COL4A5: variants seen among roughly 807,000 people sequenced by gnomAD.
The protein encoded by COL4A5 is collagen type IV alpha 5 chain.
Under a neutral mutation model 130.2 loss-of-function variants are expected in COL4A5, and 26 were observed. The observed-to-expected ratio is 0.20, with a 90% CI of 0.15 to 0.28. The LOEUF (loss-of-function observed/expected upper bound fraction) is 0.28. Among genes scored for constraint, COL4A5 ranks in the 10% least tolerant of loss-of-function variants. The pLI, the probability that COL4A5 is intolerant of heterozygous loss-of-function variation, is 1.00. For missense variants in COL4A5, 1,131 were observed against 1,344.3 expected, an observed-to-expected ratio of 0.84 and a Z score of 2.48; for synonymous variants, 496 against 439.6, an observed-to-expected ratio of 1.13 and a Z score of -1.60.
intron 21 of COL4A5, among the ~76,000 whole-genome samples, chrX:108,593,245 T>C (rs188633360): frequency 2.7e-5 from 3 of 111,769 alleles, no homozygotes; most frequent in Admixed American, 1.9e-4. Flanking sequence ...TACCAAACCA[T>C]GTTCCAAAGT....
At chrX:108,666,627 A>G in intron 39 of COL4A5, 33 bp downstream of exon 39, 1 of 1,100,843 alleles carries the variant, frequency 9.1e-7, no homozygotes, top group Non-Finnish European at 1.2e-6. Flanking sequence ...CTATTTTTCT[A>G]ATTTTCTCTG....
At chrX:108,640,825 A>G (rs2067449793) in intron 36 of COL4A5, among the ~76,000 whole-genome samples, 1 of 112,222 alleles carries the variant, frequency 8.9e-6, no homozygotes, top group African/African-American at 3.2e-5. Context: ...CACAATGTAT[A>G]CATGTATCAT....
intron 1 of COL4A5, among the ~76,000 whole-genome samples, chrX:108,505,589 A>G (rs894271234): frequency 9.0e-6 from 1 of 111,458 alleles, no homozygotes; most frequent in African/African-American, 3.3e-5. Flanking sequence ...GTCCTTATAA[A>G]AAGAGACACC....
At chrX:108,590,925 A>T in intron 19 of COL4A5, 133 bp from the exon 20 acceptor site, 1 of 570,309 alleles carries the variant, frequency 1.8e-6, no homozygotes, top group Non-Finnish European at 2.8e-6. Context: ...CAGACTTTTG[A>T]GTCTCATAGA....
At chrX:108,610,861 C>G (rs1017437545) in intron 29 of COL4A5, among the ~76,000 whole-genome samples, 4 of 111,539 alleles carry the variant, frequency 3.6e-5, no homozygotes, top group Admixed American at 1.9e-4. Context: ...TTATTATGTT[C>G]TATGCCAGCT....
At chrX:108,611,640 T>TA (rs1326007187) in intron 29 of COL4A5, among the ~76,000 whole-genome samples, 1 of 111,116 alleles carries the variant, frequency 9.0e-6, no homozygotes, top group Non-Finnish European at 1.9e-5. Flanking sequence ...TCTATTTTTT[T>TA]AAAAATTGAG....
chrX:108,491,412 G>C (rs1428564009), intron 1 of COL4A5, among the ~76,000 whole-genome samples: 1 of 111,311 alleles, frequency 9.0e-6, no homozygotes, highest in African/African-American at 3.3e-5. Flanking sequence ...AATTTTTTTG[G>C]CTTGAAAATA....
At chrX:108,613,698 A>T (rs1055335587) in intron 29 of COL4A5, among the ~76,000 whole-genome samples, 29 of 111,837 alleles carry the variant, frequency 2.6e-4, no homozygotes, top group African/African-American at 9.1e-4. Context: ...AGTATAATTT[A>T]TCATCTGGGA....
At chrX:108,599,001 CT>C in intron 25 of COL4A5, 131 bp downstream of exon 25, 1 of 583,218 alleles carries the variant, frequency 1.7e-6, no homozygotes, top group Non-Finnish European at 2.8e-6. Flanking sequence ...TTCAGAGCAT[CT>C]TAGCAAGGGA....
At chrX:108,493,761 G>C (rs368019940) in intron 1 of COL4A5, among the ~76,000 whole-genome samples, 24 of 104,801 alleles carry the variant, frequency 2.3e-4, no homozygotes, top group African/African-American at 8.3e-4. Context: ...GAATGGGAGA[G>C]TTAACCAGCA....
intron 2 of COL4A5, among the ~76,000 whole-genome samples, chrX:108,553,286 GA>G (rs1462854164): frequency 9.0e-6 from 1 of 111,238 alleles, no homozygotes; most frequent in Non-Finnish European, 1.9e-5. Context: ...ATTGTTAAAA[GA>G]ATAAAAAGAT....
intron 2 of COL4A5, among the ~76,000 whole-genome samples, chrX:108,540,266 T>C (rs1238125794): frequency 9.0e-6 from 1 of 110,623 alleles, no homozygotes; most frequent in African/African-American, 3.3e-5. Flanking sequence ...GCCTGAGAGC[T>C]ATAATCTGCC....
At position 108,619,862 on chromosome X, in the gene COL4A5, A is replaced by G. The variant is rs768778041; in HGVS notation, c.2510-397A>G. On this transcript the variant is annotated intron_variant, in intron 30 of 52. Coordinates refer to ENST00000328300, the MANE Select transcript of COL4A5 (RefSeq NM_033380.3). Reference sequence around the variant, plus strand: ...ATTAATACAAATGTTGAGAATAAGCATTTAGAAACTTTTATAGCAATTTGA... The same window carrying G: ...ATTAATACAAATGTTGAGAATAAGCGTTTAGAAACTTTTATAGCAATTTGA... Among the ~76,000 whole-genome samples, 26 of 112,528 alleles carry G rather than the reference A, an allele frequency of 2.3e-4. No homozygotes were observed. The East Asian group carries it at 7.3e-3, about 31-fold the overall frequency.
At chrX:108,603,581 G>T (rs1173104327) in intron 28 of COL4A5, among the ~76,000 whole-genome samples, 1 of 112,129 alleles carries the variant, frequency 8.9e-6, no homozygotes, top group Non-Finnish European at 1.9e-5. Flanking sequence ...TAATCTTTAT[G>T]CTGGGGGAGG....
intron 1 of COL4A5, among the ~76,000 whole-genome samples, chrX:108,444,001 T>G (rs2064427534): frequency 8.9e-6 from 1 of 111,895 alleles, no homozygotes; most frequent in South Asian, 3.7e-4. Context: ...ATGTATATAT[T>G]TATTCAGCTG....
intron 36 of COL4A5, chrX:108,627,164 C>T (rs2067168721): frequency 1.5e-6 from 1 of 660,618 alleles, no homozygotes; most frequent in African/African-American, 2.4e-5. Flanking sequence ...TCCAGTTTAA[C>T]AATGTAAAGT....
chrX:108,525,987 G>T (rs2065307522), intron 1 of COL4A5, among the ~76,000 whole-genome samples: 1 of 111,956 alleles, frequency 8.9e-6, no homozygotes, highest in Admixed American at 9.5e-5. Flanking sequence ...TAGAGCTTTT[G>T]CCTTATGAGT....
rs190112134 is a variant in COL4A5, at chrX:108,591,453, T to C, written c.1340-108T>C. The stretch of plus-strand genomic sequence containing the variant: ...ATATTTTCCTTTTGCTTATAGGTAC[T>C]TTTATTTCTTCAGAGAATAGGTCTT... On this transcript the variant is annotated intron_variant, in intron 20 of 52. Transcript: ENST00000328300. The C allele has an allele frequency of 1.2e-3, 878 of 714,644 alleles. 1 individual carries two copies. The highest frequency in any genetic ancestry group is 1.7e-3 in the Non-Finnish European group (783 of 458,018). The allele number at this position is 714,644 out of a possible 1,213,427, so 58.9% of individuals were successfully genotyped here.
intron 1 of COL4A5, among the ~76,000 whole-genome samples, chrX:108,510,279 C>T (rs2065168295): frequency 9.0e-6 from 1 of 111,042 alleles, no homozygotes; most frequent in Non-Finnish European, 1.9e-5. Flanking sequence ...ATATAACAAG[C>T]CTGCACATTT....
Sources: gnomAD v4.1 joint callset for allele counts (sites outside exome capture counted in the v4.1 genomes callset) on GRCh38, gnomAD v4.1.1 for gene constraint, MANE v1.5 for transcripts, NCBI Gene and HGNC (gene_info 2026-07-23, HGNC 2026-07-21) for gene names.